USP49: variants seen among roughly 807,000 people sequenced by gnomAD.
The protein encoded by USP49 is ubiquitin specific peptidase 49.
In USP49, 24 loss-of-function variants were observed where a neutral mutation model predicts 58.6. The ratio of observed to expected loss-of-function variants is 0.41; its 90% confidence interval spans 0.30 to 0.58. The LOEUF (loss-of-function observed/expected upper bound fraction) is 0.58, where lower values mean the gene tolerates loss of function less well. Ranked by LOEUF, USP49 falls within the 20% of genes least tolerant of loss-of-function variation. USP49 has a pLI of 0.30. For synonymous variants in USP49, 408 were observed against 365.1 expected (o/e 1.12, Z -1.34); for missense variants, 703 against 866.1 (o/e 0.81, Z 2.36).
intron 3 of USP49, among the ~76,000 whole-genome samples, chr6:41,839,480 G>A (rs1773785165): frequency 7.4e-6 from 1 of 135,772 alleles, no homozygotes; most frequent in Admixed American, 7.8e-5. Context: ...ACACCTCAAG[G>A]AACTAGAGAA....
chr6:41,860,989 C>A (rs976002429), intron 3 of USP49, among the ~76,000 whole-genome samples: 1 of 151,756 alleles, frequency 6.6e-6, no homozygotes. Context: ...ACTAGCTGGG[C>A]ATGGTGGCAC....
chr6:41,817,150 C>CTTTTTTTTTTTTTTTTTTTTTTTTTT lies in USP49; in HGVS notation c.-28-10140_-28-10139insAAAAAAAAAAAAAAAAAAAAAAAAAA, dbSNP rs34281670. Among the ~76,000 whole-genome samples the CTTTTTTTTTTTTTTTTTTTTTTTTTT allele has an allele frequency of 3.8e-5, 4 of 104,378 alleles. 1 individual carries two copies. Among genetic ancestry groups the CTTTTTTTTTTTTTTTTTTTTTTTTTT allele is most frequent in the African/African-American group, 1.8e-4 (4 of 22,528 alleles). 68.5% of individuals were successfully genotyped at this position (104,378 alleles called of 152,430 possible). A position where few individuals can be genotyped will look rare whatever the true frequency, so the allele number is the denominator to read the frequency against. ...CCACCACGCCTGGCTCCCACGCATGCTTTTTTTTTTTTTTTTTGAGACAGA... is the reference window on the plus strand; with the variant it reads ...CCACCACGCCTGGCTCCCACGCATGCTTTTTTTTTTTTTTTTTTTTTTTTTTTTTTTTTTTTTTTTTTTGAGACAGA... On this transcript the variant is annotated intron_variant, in intron 3 of 7. Transcript: ENST00000682992.
At position 41,878,005 on chromosome 6, in the gene USP49, C is replaced by T. The variant is rs56662537; in HGVS notation, c.-102-6368G>A. Among the ~76,000 whole-genome samples, 748 of 152,244 alleles carry T rather than the reference C, an allele frequency of 4.9e-3. 8 individuals carry two copies. Among genetic ancestry groups the T allele is most frequent in the African/African-American group, 0.017 (704 of 41,538 alleles). On this transcript the variant is annotated intron_variant, in intron 2 of 7. Transcript: ENST00000682992. ...TGAACTCCAGGCTCCAGGGCTCAAG[C>T]GACCCTCCCACCTCAGCCTCCCAAG... is the stretch of plus-strand genomic sequence containing the variant.
At chr6:41,888,911 C>T (rs1012946424) in intron 2 of USP49, among the ~76,000 whole-genome samples, 35 of 152,012 alleles carry the variant, frequency 2.3e-4, no homozygotes, top group African/African-American at 8.2e-4. Flanking sequence ...CCTTATGTCA[C>T]AACAACAGAA....
At chr6:41,802,058 C>T (rs1053738764) in intron 5 of USP49, among the ~76,000 whole-genome samples, 5 of 150,420 alleles carry the variant, frequency 3.3e-5, no homozygotes, top group African/African-American at 7.4e-5. Flanking sequence ...TCTAATGAAA[C>T]AATTTGATTC....
At chr6:41,878,323 C>A (rs890406017) in intron 2 of USP49, among the ~76,000 whole-genome samples, 2 of 152,104 alleles carry the variant, frequency 1.3e-5, no homozygotes, top group African/African-American at 4.8e-5. Flanking sequence ...GTATCTGGGT[C>A]TTTATAATTT....
chr6:41,864,214 T>A (rs1010853434), intron 3 of USP49, among the ~76,000 whole-genome samples: 1 of 152,176 alleles, frequency 6.6e-6, no homozygotes, highest in Non-Finnish European at 1.5e-5. Context: ...TTTACCTCTT[T>A]TCCCTCTTAA....
Position 41,805,972 on chromosome 6 carries a change from T to TG in USP49, c.1011dup (p.Ile338HisfsTer2). On this transcript the variant is annotated frameshift_variant, in exon 4 of 8. Transcript: ENST00000682992. LOFTEE classifies it high-confidence loss of function. ...TGGATGAGCTCCAGACTCCGACTAA[T>TG]GGAGGCCCTGCCGTTCCAGCAGAAG... is the stretch of plus-strand genomic sequence containing the variant. 6 of 1,613,864 alleles carry TG rather than the reference T, an allele frequency of 3.7e-6. No individual in the cohort carries two copies. Among genetic ancestry groups the TG allele is most frequent in the Non-Finnish European group, 5.1e-6 (6 of 1,180,030 alleles).
At chr6:41,831,807 C>G (rs1773640817) in intron 3 of USP49, among the ~76,000 whole-genome samples, 1 of 152,176 alleles carries the variant, frequency 6.6e-6, no homozygotes, top group South Asian at 2.1e-4. Flanking sequence ...CACATACAAT[C>G]TGACCCCAAA....
rs1772884243 is a variant in USP49, at chr6:41,796,244, C to T, written c.*289G>A. 3.3e-6 allele frequency: 1 copy of T among 306,214 alleles called. No individual in the cohort carries two copies. The highest frequency in any genetic ancestry group is 4.3e-5 in the Admixed American group (1 of 23,072). 19.0% of individuals were successfully genotyped at this position (306,214 alleles called of 1,614,324 possible). A position where few individuals can be genotyped will look rare whatever the true frequency, so the allele number is the denominator to read the frequency against. On this transcript the variant is annotated 3_prime_UTR_variant, in exon 8 of 8. Coordinates refer to ENST00000682992, the MANE Select transcript of USP49 (RefSeq NM_001286554.2). Reference sequence around the variant, plus strand: ...TGTGTGGATATGATTGATTTACCCCCCCGCCCCGCTTTCCTCCACCCAGAT... The same window carrying T: ...TGTGTGGATATGATTGATTTACCCCTCCGCCCCGCTTTCCTCCACCCAGAT...
intron 3 of USP49, among the ~76,000 whole-genome samples, chr6:41,827,675 CAAAA>C (rs373056101): frequency 6.5e-5 from 6 of 92,322 alleles, no homozygotes; most frequent in Admixed American, 2.5e-4. Context: ...ACTCTGTCTC[CAAAA>C]AAAAAAAAAA....
chr6:41,826,798 ACTG>A (rs200515063), intron 3 of USP49, among the ~76,000 whole-genome samples: 2,094 of 152,254 alleles, frequency 0.014, 41 homozygotes, highest in African/African-American at 0.048. Context: ...ACTGTGGAGG[ACTG>A]CCAGCCTCCT....
chr6:41,892,402 T>C (rs1355542234), intron 1 of USP49, among the ~76,000 whole-genome samples: 2 of 152,186 alleles, frequency 1.3e-5, no homozygotes, highest in East Asian at 1.9e-4. Flanking sequence ...AAGTGCCTCA[T>C]ATCAAAGTTA....
At chr6:41,856,424 T>C (rs1220107134) in intron 3 of USP49, among the ~76,000 whole-genome samples, 2 of 151,834 alleles carry the variant, frequency 1.3e-5, no homozygotes, top group African/African-American at 2.4e-5. Flanking sequence ...ATTTCAGCGC[T>C]CTCTCAAACC....
At chr6:41,887,590 T>A (rs1341873781) in intron 2 of USP49, among the ~76,000 whole-genome samples, 1 of 152,130 alleles carries the variant, frequency 6.6e-6, no homozygotes, top group Non-Finnish European at 1.5e-5. Context: ...GGCAAAGACA[T>A]AGACAAAAGC....
At chr6:41,891,355 T>A (rs1774807576) in intron 2 of USP49, among the ~76,000 whole-genome samples, 1 of 152,204 alleles carries the variant, frequency 6.6e-6, no homozygotes, top group South Asian at 2.1e-4. Flanking sequence ...AATTACCAAA[T>A]AAATAGTTGT....
chr6:41,877,162 T>G (rs1023397027), intron 2 of USP49, among the ~76,000 whole-genome samples: 3 of 152,266 alleles, frequency 2.0e-5, no homozygotes, highest in Admixed American at 1.3e-4. Flanking sequence ...TGTCCATTTA[T>G]GACTCTCAAT....
chr6:41,811,610 T>G lies in USP49; in HGVS notation c.-28-4599A>C, dbSNP rs114324230. ...ATGTATATTTCTGTTTTTACCCCCT[T>G]ATAATGCCAAGACTTGTGGGTGCTC... On this transcript the variant is annotated intron_variant, in intron 3 of 7. Coordinates refer to ENST00000682992, the MANE Select transcript of USP49 (RefSeq NM_001286554.2). Among the ~76,000 whole-genome samples, 1,026 of 152,300 alleles carry G rather than the reference T, an allele frequency of 6.7e-3. 12 individuals are homozygous for G. The highest frequency in any genetic ancestry group is 0.023 in the African/African-American group (966 of 41,558).
Position 41,806,491 on chromosome 6 carries a change from C to G in USP49, c.493G>C (p.Gly165Arg). ...CGCCGCTGCTCCAGCTTCGCCTGGC[C>G]CCGGGAGCTCTTCTCGAACCACAGC... ...LRLWFEKSSR[G>R]QAKLEQRRQE... The change falls in exon 4 of 8, where the codon GGC becomes CGC. Residue 165 changes from glycine (G) to arginine (R), a missense_variant. Physicochemically the swap from Gly to Arg is moderately radical, Grantham distance 125. Transcript: ENST00000682992. This position sits in a 1 kb window ranked among gnomAD's most constrained non-coding sequence, Gnocchi z 5.9. 6.3e-7 allele frequency: 1 copy of G among 1,598,236 alleles called. No homozygotes were observed. Among genetic ancestry groups the G allele is most frequent in the Non-Finnish European group, 8.5e-7 (1 of 1,179,296 alleles).
Sources: gnomAD v4.1 joint callset for allele counts (sites outside exome capture counted in the v4.1 genomes callset) on GRCh38, gnomAD v4.1.1 for gene constraint, Gnocchi (gnomAD v3.1) non-coding constraint, MANE v1.5 for transcripts, NCBI Gene and HGNC (gene_info 2026-07-23, HGNC 2026-07-21) for gene names.